RAD18: variants seen among roughly 807,000 people sequenced by gnomAD.
RAD18 encodes the protein E3 ubiquitin-protein ligase RAD18.
RAD18 carries 47 observed loss-of-function variants against 60.4 expected under a neutral mutation model. That is an observed-to-expected ratio of 0.78 (90% CI 0.62 to 0.99). The LOEUF (loss-of-function observed/expected upper bound fraction) is 0.99, where lower values mean the gene tolerates loss of function less well. Among genes scored for constraint, RAD18 ranks in the 50% least tolerant of loss-of-function variants. The pLI is 0.00. For missense variants in RAD18, 640 were observed against 593.3 expected, an observed-to-expected ratio of 1.08 and a Z score of -0.82; for synonymous variants, 225 against 195.5, an observed-to-expected ratio of 1.15 and a Z score of -1.26.
chr3:8,960,625 T>C (rs1941081902), intron 1 of RAD18, among the ~76,000 whole-genome samples: 1 of 152,148 alleles, frequency 6.6e-6, no homozygotes, highest in Non-Finnish European at 1.5e-5. Context: ...TACATAATAA[T>C]AACAACTCTG....
intron 9 of RAD18, among the ~76,000 whole-genome samples, chr3:8,907,331 G>A (rs996107313): frequency 2.0e-5 from 3 of 152,132 alleles, no homozygotes; most frequent in Non-Finnish European, 2.9e-5. Flanking sequence ...TTCCATGGCT[G>A]GAAACAGACA....
chr3:8,889,410 T>C (rs934660606), intron 12 of RAD18, among the ~76,000 whole-genome samples: 1 of 152,216 alleles, frequency 6.6e-6, no homozygotes, highest in Non-Finnish European at 1.5e-5. Flanking sequence ...TGAGTTAGGC[T>C]CATGTTGACA....
At chr3:8,896,370 C>T (rs1939783216) in intron 11 of RAD18, among the ~76,000 whole-genome samples, 1 of 152,126 alleles carries the variant, frequency 6.6e-6, no homozygotes, top group Admixed American at 6.5e-5. Context: ...TAATATGTCA[C>T]CTGTTCATTT....
At chr3:8,936,713 G>T (rs1314691205) in intron 6 of RAD18, among the ~76,000 whole-genome samples, 1 of 152,116 alleles carries the variant, frequency 6.6e-6, no homozygotes, top group Non-Finnish European at 1.5e-5. Flanking sequence ...TTTTACAAAG[G>T]ATTTGCATAT....
chr3:8,937,608 C>T (rs341772), intron 6 of RAD18, among the ~76,000 whole-genome samples: 126,216 of 152,072 alleles, frequency 0.83, 52,585 homozygotes, highest in South Asian at 0.9. Flanking sequence ...GACCTGACTC[C>T]GTGGCCAAGA....
chr3:8,956,100 T>C (rs1195772974), intron 2 of RAD18, among the ~76,000 whole-genome samples: 1 of 152,246 alleles, frequency 6.6e-6, no homozygotes, highest in Non-Finnish European at 1.5e-5. Flanking sequence ...TGTGCTGTAC[T>C]GTAGATGGTA....
chr3:8,925,797 C>G (rs1450064370), intron 7 of RAD18, among the ~76,000 whole-genome samples: 4 of 152,072 alleles, frequency 2.6e-5, no homozygotes, highest in African/African-American at 7.2e-5. Flanking sequence ...ATAAACAGAA[C>G]CAATGACAAA....
At chr3:8,933,060 C>T (rs45486195) in intron 7 of RAD18, among the ~76,000 whole-genome samples, 28 of 152,156 alleles carry the variant, frequency 1.8e-4, no homozygotes, top group African/African-American at 6.0e-4. Flanking sequence ...CGCGCCATTG[C>T]ACTCCAGCCT....
chr3:8,934,942 A>G (rs1231477227), intron 7 of RAD18, among the ~76,000 whole-genome samples: 1 of 152,248 alleles, frequency 6.6e-6, no homozygotes, highest in Non-Finnish European at 1.5e-5. Flanking sequence ...TGTTGCACAA[A>G]TGAGGGCAGG....
At chr3:8,954,344 T>C (rs1179710335) in intron 2 of RAD18, among the ~76,000 whole-genome samples, 1 of 152,262 alleles carries the variant, frequency 6.6e-6, no homozygotes, top group Admixed American at 6.5e-5. Flanking sequence ...TTTAGAAATT[T>C]CCTTTTTACT....
chr3:8,891,682 C>T (rs1331389981), intron 11 of RAD18, among the ~76,000 whole-genome samples: 3 of 152,156 alleles, frequency 2.0e-5, no homozygotes, highest in Non-Finnish European at 4.4e-5. Flanking sequence ...TTTCCTTCTG[C>T]CCCACCTCAG....
chr3:8,955,066 T>C lies in RAD18; in HGVS notation c.133+3854A>G, dbSNP rs145819191. 7.3e-3 allele frequency among the ~76,000 whole-genome samples: 1,111 copies of C among 152,222 alleles called. 17 individuals carry two copies. The highest frequency in any genetic ancestry group is 0.025 in the African/African-American group (1,046 of 41,534). On this transcript the variant is annotated intron_variant, in intron 2 of 12. Transcript: ENST00000264926. Reference sequence around the variant, plus strand: ...TGAAGAAGTGAGCAAACAACATGTATCCCTAGGGAGAGAAACAGAAGACTA... The same window carrying C: ...TGAAGAAGTGAGCAAACAACATGTACCCCTAGGGAGAGAAACAGAAGACTA...
intron 1 of RAD18, 69 bp from the exon 2 acceptor site, chr3:8,959,070 T>A (rs1365295682): frequency 7.9e-7 from 1 of 1,266,394 alleles, no homozygotes; most frequent in Admixed American, 1.7e-5. Flanking sequence ...CACAAAACTT[T>A]TTCTCTATCC....
intron 9 of RAD18, among the ~76,000 whole-genome samples, chr3:8,911,551 C>A (rs973996998): frequency 6.6e-6 from 1 of 152,236 alleles, no homozygotes; most frequent in Admixed American, 6.5e-5. Context: ...CTCTAGGGTC[C>A]TTTTCCTACT....
At chr3:8,956,291 T>G (rs997357908) in intron 2 of RAD18, among the ~76,000 whole-genome samples, 1 of 152,350 alleles carries the variant, frequency 6.6e-6, no homozygotes, top group East Asian at 1.9e-4. Flanking sequence ...ACACAATTAC[T>G]GTGTTCTGCA....
intron 12 of RAD18, among the ~76,000 whole-genome samples, chr3:8,881,696 G>A (rs1939465848): frequency 6.6e-6 from 1 of 152,168 alleles, no homozygotes; most frequent in Non-Finnish European, 1.5e-5. Flanking sequence ...AAATTTAGGA[G>A]TTTTATGCTT....
At position 8,941,372 on chromosome 3, in the gene RAD18, A is replaced by G. The variant is rs1940743262; in HGVS notation, c.604+95T>C. On this transcript the variant is annotated intron_variant, in intron 5 of 12. Coordinates refer to ENST00000264926, the MANE Select transcript of RAD18 (RefSeq NM_020165.4). ...TATGGTAAAATCTGGTTTGTCCTTT[A>G]CCATTCCTTCCCCCTCAAAGATGCT... 8 of 1,125,444 alleles carry G rather than the reference A, an allele frequency of 7.1e-6. No individual in the cohort carries two copies. The South Asian group carries it at 1.3e-4, about 18-fold the overall frequency. The allele number at this position is 1,125,444 out of a possible 1,614,324, so 69.7% of individuals were successfully genotyped here. A position where few individuals can be genotyped will look rare whatever the true frequency, so the allele number is the denominator to read the frequency against.
chr3:8,924,823 C>T (rs1415786175), intron 7 of RAD18, among the ~76,000 whole-genome samples: 3 of 149,258 alleles, frequency 2.0e-5, no homozygotes, highest in Non-Finnish European at 3.0e-5. Context: ...GGGTACATAA[C>T]GAAATGAAGG....
chr3:8,952,483 T>C (rs1574827605), intron 2 of RAD18, among the ~76,000 whole-genome samples: 1 of 152,212 alleles, frequency 6.6e-6, no homozygotes, highest in East Asian at 1.9e-4. Flanking sequence ...TCCCCAGTCA[T>C]AGTGATTCAA....
Sources: allele counts gnomAD v4.1 joint callset (sites outside exome capture counted in the v4.1 genomes callset), GRCh38; gene constraint gnomAD v4.1.1; transcripts MANE v1.5; gene names NCBI Gene and HGNC (gene_info 2026-07-23, HGNC 2026-07-21).